The following PSD3 variants were observed in gnomAD, a reference collection of about 807,000 sequenced individuals.
PSD3 encodes pleckstrin and Sec7 domain containing 3, also known as PH and SEC7 domain-containing protein 3.
A neutral mutation model predicts 105.5 loss-of-function variants in PSD3; 49 were observed. The observed-to-expected ratio is 0.46, with a 90% CI of 0.37 to 0.59. The LOEUF is 0.59. PSD3 is among the 20% of genes least tolerant of loss of function. The pLI, the probability that PSD3 is intolerant of heterozygous loss-of-function variation, is 0.00. For synonymous variants in PSD3, 557 were observed against 457.8 expected (o/e 1.22, Z -2.77); for missense variants, 1,561 against 1,263.8 (o/e 1.24, Z -3.57).
chr8:18,730,154 G>C (rs1193381627), intron 9 of PSD3: 1 of 152,074 alleles, frequency 6.6e-6, no homozygotes, highest in East Asian at 1.9e-4. Flanking sequence ...CACTTCTTTT[G>C]AGATATTTTG....
chr8:18,676,685 C>T (rs76925408), intron 9 of PSD3, among the ~76,000 whole-genome samples: 5,384 of 152,324 alleles, frequency 0.035, 129 homozygotes, highest in Non-Finnish European at 0.049. Flanking sequence ...TGCTGACCCG[C>T]ATACCCTACC....
At chr8:18,866,627 G>T (rs990231502) in intron 4 of PSD3, among the ~76,000 whole-genome samples, 1 of 152,050 alleles carries the variant, frequency 6.6e-6, no homozygotes, top group Admixed American at 6.5e-5. Context: ...ATATTCACAA[G>T]AAAATGCATA....
chr8:18,813,188 T>C (rs1244766027), intron 4 of PSD3, among the ~76,000 whole-genome samples: 1 of 152,164 alleles, frequency 6.6e-6, no homozygotes, highest in African/African-American at 2.4e-5. Flanking sequence ...GGTACAAGAC[T>C]AACCCTGACT....
intron 2 of PSD3, among the ~76,000 whole-genome samples, chr8:18,930,010 G>C (rs1821635254): frequency 6.6e-6 from 1 of 152,126 alleles, no homozygotes; most frequent in Non-Finnish European, 1.5e-5. Context: ...AAAAGACATA[G>C]AAGATTGATC....
At chr8:18,948,255 A>G (rs1359576274) in intron 1 of PSD3, among the ~76,000 whole-genome samples, 3 of 152,220 alleles carry the variant, frequency 2.0e-5, no homozygotes, top group Non-Finnish European at 2.9e-5. Flanking sequence ...AAATATTTGC[A>G]TTTAAAAAAT....
At chr8:18,742,768 C>A in intron 9 of PSD3, among the ~76,000 whole-genome samples, 1 of 152,192 alleles carries the variant, frequency 6.6e-6, no homozygotes, top group East Asian at 1.9e-4. Context: ...CAAAATGCTA[C>A]AGTTTAGAAG....
In PSD3 at chr8:18,991,355, C is replaced by A. The variant is rs1429484516; in HGVS notation, c.21+22208G>T. On this transcript the variant is annotated intron_variant, in intron 1 of 15. Transcript: ENST00000327040. ...AACAGAAAACACACACACACACATA[C>A]ACACACACACACACACATACACACA... Among the ~76,000 whole-genome samples, 5 of 68,230 alleles carry A rather than the reference C, an allele frequency of 7.3e-5. No homozygotes were observed. The Admixed American group carries it at 8.6e-4, about 12-fold the overall frequency. 44.8% of individuals were successfully genotyped at this position (68,230 alleles called of 152,430 possible). A position where few individuals can be genotyped will look rare whatever the true frequency, so the allele number is the denominator to read the frequency against.
At chr8:18,743,087 A>C (rs918995973) in intron 9 of PSD3, among the ~76,000 whole-genome samples, 2 of 152,204 alleles carry the variant, frequency 1.3e-5, no homozygotes, top group African/African-American at 4.8e-5. Context: ...GCTTCTCTTA[A>C]AAGTTGCTAT....
chr8:19,005,843 C>T (rs1031988153), intron 1 of PSD3, among the ~76,000 whole-genome samples: 6 of 151,716 alleles, frequency 4.0e-5, no homozygotes, highest in Non-Finnish European at 8.8e-5. Flanking sequence ...GTGATGGGTG[C>T]ACAACTCCAT....
chr8:18,922,388 A>G (rs1228336125), intron 2 of PSD3, among the ~76,000 whole-genome samples: 2 of 152,238 alleles, frequency 1.3e-5, no homozygotes, highest in Non-Finnish European at 2.9e-5. Context: ...CATCTGGTGC[A>G]GCAAGTCTGT....
In PSD3 at chr8:18,732,506, C is replaced by T. The variant is rs528221370; in HGVS notation, c.2172+32943G>A. 5.3e-5 allele frequency among the ~76,000 whole-genome samples: 8 copies of T among 152,348 alleles called. No individual in the cohort carries two copies. The South Asian group carries it at 1.7e-3, about 32-fold the overall frequency. On this transcript the variant is annotated intron_variant, in intron 9 of 15. Transcript: ENST00000327040. ...CCCCATGTGCTAATGGCCGAGCTGA[C>T]CTGGGGCTGGAGGATCCAAGATGCC...
chr8:18,796,666 G>C (rs373007063), intron 8 of PSD3, among the ~76,000 whole-genome samples: 14 of 152,316 alleles, frequency 9.2e-5, no homozygotes, highest in African/African-American at 3.4e-4. Context: ...TCTCCCAAGA[G>C]GGGAGTCAGA....
In PSD3 at chr8:18,951,160, C is replaced by T. The variant is rs535702012; in HGVS notation, c.22-15018G>A. Among the ~76,000 whole-genome samples, 20 of 152,136 alleles carry T rather than the reference C, an allele frequency of 1.3e-4. No homozygotes were observed. In the South Asian group the frequency reaches 3.1e-3, roughly 24 times the overall value. ...CTACGATCCCAGCACTTTGGGAGGC[C>T]GTGGTGGGAAGGTTGCTTGAGCCCA... On this transcript the variant is annotated intron_variant, in intron 1 of 15. Coordinates refer to ENST00000327040, the MANE Select transcript of PSD3 (RefSeq NM_015310.4).
chr8:18,590,518 C>A (rs1277218477), intron 12 of PSD3, among the ~76,000 whole-genome samples: 1 of 152,134 alleles, frequency 6.6e-6, no homozygotes, highest in African/African-American at 2.4e-5. Context: ...TTGTCACAAA[C>A]TTCTGTAAGG....
In PSD3 at chr8:18,702,093, A is replaced by G. The variant is rs186326045; in HGVS notation, c.2173-46408T>C. Among the ~76,000 whole-genome samples, 1,078 of 152,348 alleles carry G rather than the reference A, an allele frequency of 7.1e-3. 8 individuals carry two copies. The highest frequency in any genetic ancestry group is 0.027 in the Middle Eastern group (8 of 294). On this transcript the variant is annotated intron_variant, in intron 9 of 15. Transcript: ENST00000327040. Reference sequence around the variant, plus strand: ...CCAGGAATCCTGGGAGTGACTTCAGATACTCCGACTGATATTTACAGCTGC... The same window carrying G: ...CCAGGAATCCTGGGAGTGACTTCAGGTACTCCGACTGATATTTACAGCTGC...
At chr8:18,631,011 A>G (rs895684744) in intron 11 of PSD3, among the ~76,000 whole-genome samples, 2 of 151,950 alleles carry the variant, frequency 1.3e-5, no homozygotes, top group Non-Finnish European at 2.9e-5. Flanking sequence ...TCCCCTACAG[A>G]TATTAAGGGA....
chr8:18,711,096 TTCA>T (rs1290782518), intron 9 of PSD3, among the ~76,000 whole-genome samples: 1 of 152,176 alleles, frequency 6.6e-6, no homozygotes, highest in Non-Finnish European at 1.5e-5. Flanking sequence ...GATGACAGAA[TTCA>T]TCACCACCAG....
At chr8:18,733,557 T>G (rs1420626482) in intron 9 of PSD3, 1 of 152,604 alleles carries the variant, frequency 6.6e-6, no homozygotes, top group East Asian at 1.9e-4. Flanking sequence ...GGAGATGTGA[T>G]GAGATTATTC....
intron 9 of PSD3, among the ~76,000 whole-genome samples, chr8:18,695,479 G>A (rs1392879739): frequency 1.3e-5 from 2 of 152,192 alleles, no homozygotes; most frequent in African/African-American, 4.8e-5. Flanking sequence ...GGATTCCATA[G>A]AACTGTGGAT....
Sources: gnomAD v4.1 joint callset for allele counts (sites outside exome capture counted in the v4.1 genomes callset) on GRCh38, gnomAD v4.1.1 for gene constraint, MANE v1.5 for transcripts, NCBI Gene and HGNC (gene_info 2026-07-23, HGNC 2026-07-21) for gene names.